The following COL9A1 variants were observed in gnomAD, a reference collection of about 807,000 sequenced individuals.
The protein encoded by COL9A1 is collagen type IX alpha 1 chain.
COL9A1 carries 104 observed loss-of-function variants against 142.6 expected under a neutral mutation model. The ratio of observed to expected loss-of-function variants is 0.73; its 90% CI spans 0.62 to 0.86. The LOEUF (loss-of-function observed/expected upper bound fraction) is 0.86, where lower values mean the gene tolerates loss of function less well. COL9A1 is among the 40% of genes least tolerant of loss of function. The pLI is 0.00. For synonymous variants in COL9A1, 466 were observed against 396.0 expected (o/e 1.18, Z -2.10); for missense variants, 1,210 against 1,176.6 (o/e 1.03, Z -0.42).
intron 19 of COL9A1, among the ~76,000 whole-genome samples, chr6:70,262,765 G>C (rs1197481076): frequency 1.3e-5 from 2 of 152,132 alleles, no homozygotes; most frequent in Non-Finnish European, 2.9e-5. Flanking sequence ...TAAAGCACGA[G>C]GGACCAATTT....
At chr6:70,280,909 G>T (rs1425951180) in intron 9 of COL9A1, 35 bp from the exon 10 acceptor site, 3 of 1,613,394 alleles carry the variant, frequency 1.9e-6, no homozygotes, top group South Asian at 1.1e-5. Context: ...GGGCAGGAGA[G>T]AAAAAGGTGC....
intron 10 of COL9A1, 106 bp downstream of exon 10, chr6:70,280,704 GTT>G: frequency 7.0e-7 from 1 of 1,420,038 alleles, no homozygotes; most frequent in Non-Finnish European, 9.7e-7. Context: ...GCCACAGCGC[GTT>G]CTCTCTCTCT....
At chr6:70,295,281 CTTTT>C (rs1171549562) in intron 4 of COL9A1, among the ~76,000 whole-genome samples, 27 of 63,166 alleles carry the variant, frequency 4.3e-4, no homozygotes, top group East Asian at 2.3e-3. Flanking sequence ...GTTGTTGCTT[CTTTT>C]TTTTTTTTTT....
chr6:70,232,536 C>A lies in COL9A1; in HGVS notation c.2503+47G>T, dbSNP rs1283303584. ...CTCGAGCTTGATACAGATTATACAT[C>A]TGAAAAAGGTTGTGTTCTTTGGTTC... On this transcript the variant is annotated intron_variant, in intron 36 of 37. Transcript: ENST00000357250. 5.6e-6 allele frequency: 9 copies of A among 1,593,336 alleles called. No homozygotes were observed. The Admixed American group carries it at 1.3e-4, about 24-fold the overall frequency.
At position 70,216,704 on chromosome 6, in the gene COL9A1, G is replaced by C; in HGVS notation, c.*193C>G. On this transcript the variant is annotated 3_prime_UTR_variant, in exon 38 of 38. Transcript: ENST00000357250. ...CTGCTGTCTTCCCTCCAAGGGAAAGGAAAGAGAACTTACTGAATAGCACCG... is the reference window on the plus strand; with the variant it reads ...CTGCTGTCTTCCCTCCAAGGGAAAGCAAAGAGAACTTACTGAATAGCACCG... The C allele has an allele frequency of 1.6e-6, 1 of 642,864 alleles. No homozygotes were observed. The highest frequency in any genetic ancestry group is 2.8e-6 in the Non-Finnish European group (1 of 360,206). The allele number at this position is 642,864 out of a possible 1,614,324, so 39.8% of individuals were successfully genotyped here.
chr6:70,223,434 C>T (rs1008863179), intron 37 of COL9A1, among the ~76,000 whole-genome samples: 1 of 152,082 alleles, frequency 6.6e-6, no homozygotes. Context: ...GTAAAATGCC[C>T]AATATCATAA....
intron 28 of COL9A1, among the ~76,000 whole-genome samples, chr6:70,245,379 A>G (rs561460452): frequency 6.6e-6 from 1 of 152,366 alleles, no homozygotes; most frequent in Admixed American, 6.5e-5. Context: ...GCTGAAGGTC[A>G]TCGCCAAGGT....
Position 70,232,615 on chromosome 6 carries a change from G to A in COL9A1, c.2471C>T (p.Pro824Leu). 1 of 1,614,052 alleles carries A rather than the reference G, an allele frequency of 6.2e-7. No homozygotes were observed. Residue 824 changes from proline (P) to leucine (L), a missense_variant, in exon 36 of 38, where the codon CCC becomes CTC. By Grantham distance (98) the Pro-to-Leu change is moderately conservative (BLOSUM62 -3). Coordinates refer to ENST00000357250, the MANE Select transcript of COL9A1 (RefSeq NM_001851.6). ...TCCCCTCAAACCAAGAGCACCAGGG[G>A]GCCCCTTAATGCCCGGAAGGCCACG... ...GIRGLPGIKG[P>L]PGALGLRGPK...
intron 34 of COL9A1, 76 bp downstream of exon 34, chr6:70,234,718 G>T: frequency 6.2e-7 from 1 of 1,606,822 alleles, no homozygotes; most frequent in East Asian, 2.2e-5. Flanking sequence ...TTGTTGAGAA[G>T]CTGATGCCTA....
At chr6:70,241,521 T>C in intron 30 of COL9A1, 67 bp from the exon 31 acceptor site, 1 of 1,354,752 alleles carries the variant, frequency 7.4e-7, no homozygotes, top group Admixed American at 1.7e-5. Flanking sequence ...AAGTGAACCT[T>C]ATTGGGTGGG....
intron 37 of COL9A1, among the ~76,000 whole-genome samples, chr6:70,218,740 A>G (rs867836051): frequency 9.1e-5 from 8 of 87,834 alleles, no homozygotes; most frequent in South Asian, 3.1e-4. Context: ...TCTTATTCAT[A>G]TATATCTCAC....
intron 37 of COL9A1, among the ~76,000 whole-genome samples, chr6:70,222,044 A>G (rs976737243): frequency 6.6e-6 from 1 of 152,246 alleles, no homozygotes; most frequent in Non-Finnish European, 1.5e-5. Context: ...ATGATTAGAC[A>G]GCCAGCCAAT....
rs139153122 is a variant in COL9A1 at position 70,262,943 on chromosome 6, G to A, written c.1395+301C>T. On this transcript the variant is annotated intron_variant, in intron 19 of 37. Coordinates refer to ENST00000357250, the MANE Select transcript of COL9A1 (RefSeq NM_001851.6). ...GATAATACGATAGAACATAAAAGAT[G>A]AGTATCATCCTTTTGTGCTTAGTAT... 3.1e-3 allele frequency among the ~76,000 whole-genome samples: 474 copies of A among 152,254 alleles called. 1 individual carries two copies. The highest frequency in any genetic ancestry group is 0.011 in the African/African-American group (440 of 41,556).
chr6:70,271,663 C>A lies in COL9A1; in HGVS notation c.1135G>T (p.Gly379Ter). 1 of 1,613,868 alleles carries A rather than the reference C, an allele frequency of 6.2e-7. No individual in the cohort carries two copies. The highest frequency in any genetic ancestry group is 8.5e-7 in the Non-Finnish European group (1 of 1,179,828). The change falls in exon 14 of 38, where the codon GGA becomes TGA. Residue 379 changes from glycine (G) to a stop codon, truncating the protein, a stop_gained. Transcript: ENST00000357250. LOFTEE classifies it high-confidence loss of function. ...AGLPGELGRV[G>*]PVGDPGRRGP... The stretch of plus-strand genomic sequence containing the variant: ...TGCACTGTGGTACTCACAACAGGTC[C>A]TACACGGCCAAGCTCTCCAGGGAGT...
At chr6:70,224,559 T>C (rs1222023052) in intron 37 of COL9A1, among the ~76,000 whole-genome samples, 1 of 152,232 alleles carries the variant, frequency 6.6e-6, no homozygotes, top group African/African-American at 2.4e-5. Flanking sequence ...AAGGAGTTAT[T>C]AGGCTTTCTC....
chr6:70,242,238 C>CT (rs1440959678), intron 29 of COL9A1: 1 of 634,062 alleles, frequency 1.6e-6, no homozygotes, highest in African/African-American at 1.8e-5. Flanking sequence ...TCACTCCACC[C>CT]TAAGGTCCTC....
At chr6:70,270,505 G>T (rs1035624849) in intron 14 of COL9A1, 138 bp from the exon 15 acceptor site, 3 of 584,478 alleles carry the variant, frequency 5.1e-6, no homozygotes, top group Admixed American at 6.8e-5. Context: ...CACCAAAATC[G>T]ATGGGTGGCC....
Position 70,216,420 on chromosome 6 carries a change from C to A in COL9A1, c.*477G>T. ...ATCGATGAGATTTTAAGCACCAATTCCATTGAATGTAGTGGGGTTTCTTCA... is the reference window on the plus strand; with the variant it reads ...ATCGATGAGATTTTAAGCACCAATTACATTGAATGTAGTGGGGTTTCTTCA... On this transcript the variant is annotated 3_prime_UTR_variant, in exon 38 of 38. Transcript: ENST00000357250. The A allele has an allele frequency of 5.8e-6, 1 of 173,722 alleles. No homozygotes were observed. The highest frequency in any genetic ancestry group is 1.3e-5 in the Non-Finnish European group (1 of 79,646). The allele number at this position is 173,722 out of a possible 1,614,324, so 10.8% of individuals were successfully genotyped here. A position where few individuals can be genotyped will look rare whatever the true frequency, so the allele number is the denominator to read the frequency against.
chr6:70,276,976 T>A (rs1772803057), intron 10 of COL9A1, among the ~76,000 whole-genome samples: 1 of 152,216 alleles, frequency 6.6e-6, no homozygotes, highest in Admixed American at 6.5e-5. Context: ...ATTTCTTCAA[T>A]GCCTGAATAT....
Sources: gnomAD v4.1 joint callset for allele counts (sites outside exome capture counted in the v4.1 genomes callset) on GRCh38, gnomAD v4.1.1 for gene constraint, MANE v1.5 for transcripts, NCBI Gene and HGNC (gene_info 2026-07-23, HGNC 2026-07-21) for gene names.